CHD7: variants seen among roughly 807,000 people sequenced by gnomAD.
The protein encoded by CHD7 is chromodomain helicase DNA binding protein 7, also known as ATP-dependent chromatin remodeler CHD7.
In CHD7, 24 loss-of-function variants were observed where a neutral mutation model predicts 307.3. That is an observed-to-expected ratio of 0.08 (90% CI 0.06 to 0.11). The LOEUF (loss-of-function observed/expected upper bound fraction) is 0.11. Ranked by LOEUF, CHD7 falls within the 10% of genes least tolerant of loss-of-function variation. The probability of loss-of-function intolerance (pLI) is 1.00; values close to 1 mark genes in which losing one functional copy is unlikely to be tolerated. For missense variants in CHD7, 3,106 were observed against 3,727.1 expected, an observed-to-expected ratio of 0.83 and a Z score of 4.34; for synonymous variants, 1,363 against 1,349.9, an observed-to-expected ratio of 1.01 and a Z score of -0.21.
intron 34 of CHD7, among the ~76,000 whole-genome samples, chr8:60,859,932 C>T (rs1301290783): frequency 1.3e-5 from 2 of 152,054 alleles, no homozygotes; most frequent in African/African-American, 2.4e-5. Flanking sequence ...CTGACTCCAG[C>T]GTAGTGGTGT....
At chr8:60,800,321 T>C (rs1563611648) in intron 4 of CHD7, 67 bp from the exon 5 acceptor site, 4 of 1,535,832 alleles carry the variant, frequency 2.6e-6, no homozygotes, top group South Asian at 2.4e-5. Context: ...CGTGAGCCAC[T>C]GCGCTCGGCC....
intron 1 of CHD7, among the ~76,000 whole-genome samples, chr8:60,731,670 A>T (rs1808464536): frequency 6.6e-6 from 1 of 152,252 alleles, no homozygotes; most frequent in African/African-American, 2.4e-5. Flanking sequence ...CTTGATTTGA[A>T]ACCAAAATTT....
At chr8:60,794,741 G>A (rs1233239413) in intron 3 of CHD7, among the ~76,000 whole-genome samples, 2 of 152,136 alleles carry the variant, frequency 1.3e-5, no homozygotes, top group African/African-American at 2.4e-5. Flanking sequence ...TTGCACAAAT[G>A]TACTATGTGT....
At chr8:60,820,947 C>T (rs931199632) in intron 9 of CHD7, among the ~76,000 whole-genome samples, 2 of 152,094 alleles carry the variant, frequency 1.3e-5, no homozygotes, top group African/African-American at 4.8e-5. Context: ...GTCAGTGTTC[C>T]TTGGTCCTGA....
chr8:60,816,113 G>GTCTGTCTGTCTGTCTCTCTCTCTC (rs58405811), intron 7 of CHD7, among the ~76,000 whole-genome samples: 12 of 139,234 alleles, frequency 8.6e-5, no homozygotes, highest in African/African-American at 3.4e-4. Context: ...CTGTCTGTCT[G>GTCTGTCTGTCTGTCTCTCTCTCTC]TCTCTCTCTC....
In CHD7 at chr8:60,724,132, CA is replaced by C. The variant is rs1808054347; in HGVS notation, c.-174-17126del. Reference sequence around the variant, plus strand: ...AGAGGCATGACAGCAGGATTCCCTTCATTATCTGGGGAGGTAGTTCGTCGGG... The same window carrying C: ...AGAGGCATGACAGCAGGATTCCCTTCTTATCTGGGGAGGTAGTTCGTCGGG... On this transcript the variant is annotated intron_variant, in intron 1 of 37. Transcript: ENST00000423902. Among the ~76,000 whole-genome samples, 3 of 152,330 alleles carry C rather than the reference CA, an allele frequency of 2.0e-5. No homozygotes were observed. In the South Asian group the frequency reaches 6.2e-4, roughly 32 times the overall value.
chr8:60,854,881 G>A, intron 32 of CHD7, among the ~76,000 whole-genome samples: 1 of 152,264 alleles, frequency 6.6e-6, no homozygotes, highest in South Asian at 2.1e-4. Context: ...AAAGCCTTCA[G>A]ATTTAAGACA....
intron 7 of CHD7, among the ~76,000 whole-genome samples, chr8:60,815,762 C>A (rs756818807): frequency 6.6e-6 from 1 of 152,148 alleles, no homozygotes; most frequent in Non-Finnish European, 1.5e-5. Context: ...TGATAAGAAG[C>A]TGGTGAGGGG....
chr8:60,849,470 G>T (rs576437082), intron 25 of CHD7, among the ~76,000 whole-genome samples: 3 of 152,280 alleles, frequency 2.0e-5, no homozygotes, highest in African/African-American at 7.2e-5. Context: ...GGCTTCCCTT[G>T]CTAACTCTGC....
chr8:60,701,202 G>A (rs1440037925), intron 1 of CHD7, among the ~76,000 whole-genome samples: 1 of 152,196 alleles, frequency 6.6e-6, no homozygotes, highest in Non-Finnish European at 1.5e-5. Flanking sequence ...TTCCAAGAGA[G>A]AGCTGTGTGT....
chr8:60,836,355 C>T (rs1804741786), intron 16 of CHD7, 72 bp downstream of exon 16: 2 of 1,268,186 alleles, frequency 1.6e-6, no homozygotes, highest in Non-Finnish European at 2.2e-6. Flanking sequence ...AGCAGTCCAC[C>T]TAAAAGTGGA....
intron 34 of CHD7, among the ~76,000 whole-genome samples, chr8:60,857,453 T>G (rs1314524395): frequency 6.6e-6 from 1 of 152,224 alleles, no homozygotes; most frequent in Non-Finnish European, 1.5e-5. Flanking sequence ...ATCAAAATGA[T>G]TTTCTTTCTT....
At chr8:60,711,080 T>A (rs960224652) in intron 1 of CHD7, among the ~76,000 whole-genome samples, 1 of 152,188 alleles carries the variant, frequency 6.6e-6, no homozygotes, top group African/African-American at 2.4e-5. Context: ...GAGGCTGTGA[T>A]AACCTGTGTT....
At chr8:60,792,220 G>GT (rs781238903) in intron 3 of CHD7, among the ~76,000 whole-genome samples, 25 of 152,244 alleles carry the variant, frequency 1.6e-4, no homozygotes, top group Admixed American at 7.2e-4. Flanking sequence ...GATTACCTTT[G>GT]TTTGTTAAAA....
intron 2 of CHD7, among the ~76,000 whole-genome samples, chr8:60,772,054 G>T (rs1189124384): frequency 6.6e-6 from 1 of 152,152 alleles, no homozygotes; most frequent in Admixed American, 6.5e-5. Context: ...AGATAATGGG[G>T]CCATCTTGGA....
At position 60,856,027 on chromosome 8, in the gene CHD7, G is replaced by A. The variant is rs77704609; in HGVS notation, c.6989G>A (p.Gly2330Asp). 6.2e-7 allele frequency: 1 copy of A among 1,611,606 alleles called. No homozygotes were observed. The highest frequency in any genetic ancestry group is 1.7e-5 in the Admixed American group (1 of 59,748). ...LDNICEAVLK[G>D]KWPVNRRQMF... is the part of the protein sequence containing the mutation. ...AACATCTGTGAAGCAGTGTTGAAAGGCAAATGGCCAGTAAATAGGCGCCAG... is the reference window on the plus strand; with the variant it reads ...AACATCTGTGAAGCAGTGTTGAAAGACAAATGGCCAGTAAATAGGCGCCAG... Residue 2330 changes from glycine to aspartate, a missense_variant, in exon 33 of 38, where the codon GGC (glycine) becomes GAC (aspartate). Physicochemically the swap from Gly to Asp is moderately conservative, Grantham distance 94. Coordinates refer to ENST00000423902, the MANE Select transcript of CHD7 (RefSeq NM_017780.4).
chr8:60,807,328 A>T (rs1026074419), intron 6 of CHD7, among the ~76,000 whole-genome samples: 1 of 152,222 alleles, frequency 6.6e-6, no homozygotes, highest in African/African-American at 2.4e-5. Context: ...AACATCTGTA[A>T]GTGGTGTTTA....
chr8:60,839,463 T>A (rs2150781914), intron 19 of CHD7, among the ~76,000 whole-genome samples: 1 of 152,320 alleles, frequency 6.6e-6, no homozygotes, highest in South Asian at 2.1e-4. Context: ...AATTGCTGGG[T>A]CCTATGTTAA....
intron 33 of CHD7, 45 bp downstream of exon 33, chr8:60,856,247 T>C: frequency 6.9e-7 from 1 of 1,445,028 alleles, no homozygotes; most frequent in African/African-American, 1.4e-5. Context: ...GGGAGCTCTC[T>C]AAGCCTTAAC....
Sources: allele counts gnomAD v4.1 joint callset (sites outside exome capture counted in the v4.1 genomes callset), GRCh38; gene constraint gnomAD v4.1.1; transcripts MANE v1.5; gene names NCBI Gene and HGNC (gene_info 2026-07-23, HGNC 2026-07-21).